RAB3B: variants seen among roughly 807,000 people sequenced by gnomAD.
RAB3B encodes ras-related protein Rab-3B.
Under a neutral mutation model 20.5 loss-of-function variants are expected in RAB3B, and 11 were observed. The ratio of observed to expected loss-of-function variants is 0.54; its 90% CI spans 0.34 to 0.89. The LOEUF is 0.89. Among genes scored for constraint, RAB3B ranks in the 40% least tolerant of loss-of-function variants. The pLI is 0.02. For missense variants in RAB3B, 225 were observed against 280.9 expected, an observed-to-expected ratio of 0.80 and a Z score of 1.42; for synonymous variants, 99 against 106.3, an observed-to-expected ratio of 0.93 and a Z score of 0.42.
intron 2 of RAB3B, among the ~76,000 whole-genome samples, chr1:51,945,024 T>G (rs1432962299): frequency 6.6e-6 from 1 of 152,152 alleles, no homozygotes; most frequent in African/African-American, 2.4e-5. Context: ...TGCCCTATTT[T>G]CAGAAATTGC....
chr1:51,974,693 A>T (rs1277679162), intron 2 of RAB3B, among the ~76,000 whole-genome samples: 2 of 152,206 alleles, frequency 1.3e-5, no homozygotes, highest in East Asian at 3.8e-4. Context: ...TTGAAATCCC[A>T]CTTTATAGCA....
chr1:51,988,273 T>C (rs180771180), intron 1 of RAB3B, among the ~76,000 whole-genome samples: 27 of 152,326 alleles, frequency 1.8e-4, no homozygotes, highest in Admixed American at 1.6e-3. Context: ...ACTTTTCTAA[T>C]TCAATCTGTC....
intron 1 of RAB3B, among the ~76,000 whole-genome samples, chr1:51,984,602 C>T (rs1424456438): frequency 6.6e-6 from 1 of 151,756 alleles, no homozygotes; most frequent in Admixed American, 6.6e-5. Context: ...GTTGGCCCAG[C>T]CAGATCAATT....
chr1:51,939,720 A>T (rs1329697338), intron 2 of RAB3B, among the ~76,000 whole-genome samples: 4 of 152,224 alleles, frequency 2.6e-5, no homozygotes, highest in African/African-American at 9.6e-5. Context: ...GACCACAGGC[A>T]TGTGCCACCA....
At chr1:51,947,812 T>A (rs1195547628) in intron 2 of RAB3B, among the ~76,000 whole-genome samples, 25 of 152,076 alleles carry the variant, frequency 1.6e-4, no homozygotes, top group Admixed American at 1.6e-3. Flanking sequence ...ACCTTAGAAG[T>A]CATTCAATCC....
intron 2 of RAB3B, among the ~76,000 whole-genome samples, chr1:51,955,101 T>C (rs1684690565): frequency 1.3e-5 from 2 of 152,210 alleles, no homozygotes; most frequent in Non-Finnish European, 2.9e-5. Context: ...GCGTTGACCT[T>C]TATGAGCGAA....
At chr1:51,946,939 C>T (rs1684573232) in intron 2 of RAB3B, among the ~76,000 whole-genome samples, 1 of 152,178 alleles carries the variant, frequency 6.6e-6, no homozygotes, top group Admixed American at 6.6e-5. Flanking sequence ...TGTCTGATTC[C>T]AAAGCTTGTG....
chr1:51,938,030 C>G (rs1271101862), intron 2 of RAB3B, among the ~76,000 whole-genome samples: 2 of 133,168 alleles, frequency 1.5e-5, no homozygotes, highest in Non-Finnish European at 1.6e-5. Flanking sequence ...TAAGACAAAG[C>G]CTTACTCTGT....
At chr1:51,959,835 G>C (rs562246451) in intron 2 of RAB3B, among the ~76,000 whole-genome samples, 1 of 152,328 alleles carries the variant, frequency 6.6e-6, no homozygotes, top group African/African-American at 2.4e-5. Flanking sequence ...GGGTAAATGG[G>C]AACTCTCCAT....
chr1:51,923,761 C>T (rs1684205994), intron 4 of RAB3B, among the ~76,000 whole-genome samples: 1 of 150,456 alleles, frequency 6.6e-6, no homozygotes, highest in African/African-American at 2.4e-5. Context: ...TGGCTAGGTG[C>T]TAGTGGCTCA....
Position 51,919,856 on chromosome 1 carries a change from C to T in RAB3B, c.*71G>A. On this transcript the variant is annotated 3_prime_UTR_variant, in exon 5 of 5. Coordinates refer to ENST00000371655, the MANE Select transcript of RAB3B (RefSeq NM_002867.4). ...ACAGGGAGAGTGGGCTGAGAGCGGA[C>T]AGTGTGTAACAGGGAGAAGCAGACT... 2.1e-6 allele frequency: 3 copies of T among 1,430,686 alleles called. No homozygotes were observed. The highest frequency in any genetic ancestry group is 2.9e-6 in the Non-Finnish European group (3 of 1,048,286). The allele number at this position is 1,430,686 out of a possible 1,614,324, so 88.6% of individuals were successfully genotyped here. A position where few individuals can be genotyped will look rare whatever the true frequency, so the allele number is the denominator to read the frequency against.
At chr1:51,977,231 T>C (rs1685023270) in intron 1 of RAB3B, 114 bp from the exon 2 acceptor site, 1 of 746,684 alleles carries the variant, frequency 1.3e-6, no homozygotes, top group Admixed American at 2.3e-5. Flanking sequence ...CCAGCACCAC[T>C]GAGGAAATGC....
chr1:51,971,963 T>C (rs1196905261), intron 2 of RAB3B, among the ~76,000 whole-genome samples: 1 of 152,064 alleles, frequency 6.6e-6, no homozygotes, highest in African/African-American at 2.4e-5. Context: ...GGTGGATCAC[T>C]TGAGGTCAGA....
At chr1:51,934,324 G>A (rs1017876667) in intron 3 of RAB3B, among the ~76,000 whole-genome samples, 1 of 151,958 alleles carries the variant, frequency 6.6e-6, no homozygotes, top group Admixed American at 6.6e-5. Context: ...ACACCTTGAG[G>A]GGAGCCTCTT....
chr1:51,933,754 T>C (rs1300125081), intron 3 of RAB3B, among the ~76,000 whole-genome samples: 1 of 152,182 alleles, frequency 6.6e-6, no homozygotes, highest in Non-Finnish European at 1.5e-5. Flanking sequence ...GAGAAAGAAA[T>C]GTCCGTTATT....
At position 51,926,052 on chromosome 1, in the gene RAB3B, T is replaced by C. The variant is rs141688010; in HGVS notation, c.473-5938A>G. ...TCACCTGCCAATATCTTCCTTTGGC[T>C]AGTCCCAGCCAGAAGCTACCATCAC... On this transcript the variant is annotated intron_variant, in intron 4 of 4. Transcript: ENST00000371655. Among the ~76,000 whole-genome samples, 1,079 of 152,294 alleles carry C rather than the reference T, an allele frequency of 7.1e-3. 5 individuals carry two copies. The highest frequency in any genetic ancestry group is 0.017 in the Middle Eastern group (5 of 294).
At chr1:51,989,604 G>C (rs990259420) in intron 1 of RAB3B, among the ~76,000 whole-genome samples, 3 of 150,962 alleles carry the variant, frequency 2.0e-5, no homozygotes, top group African/African-American at 7.3e-5. Flanking sequence ...GTTCTCCCAC[G>C]ATTCCTCCAC....
intron 1 of RAB3B, among the ~76,000 whole-genome samples, chr1:51,989,589 T>TC (rs1250381478): frequency 6.7e-6 from 1 of 150,226 alleles, no homozygotes; most frequent in Non-Finnish European, 1.5e-5. Context: ...ATCTATACAC[T>TC]CCAAGTTCTC....
intron 2 of RAB3B, among the ~76,000 whole-genome samples, chr1:51,975,635 T>C (rs1270017273): frequency 1.3e-5 from 2 of 152,106 alleles, no homozygotes; most frequent in Admixed American, 1.3e-4. Context: ...AGAGGCCAAA[T>C]GGGAACGAAG....
Sources: allele counts gnomAD v4.1 joint callset (sites outside exome capture counted in the v4.1 genomes callset), GRCh38; gene constraint gnomAD v4.1.1; transcripts MANE v1.5; gene names NCBI Gene and HGNC (gene_info 2026-07-23, HGNC 2026-07-21).